LRGUK: variants seen among roughly 807,000 people sequenced by gnomAD.
LRGUK encodes leucine-rich repeat and guanylate kinase domain-containing protein.
A neutral mutation model predicts 76.0 loss-of-function variants in LRGUK; 65 were observed. The observed-to-expected ratio is 0.85, with a 90% confidence interval of 0.70 to 1.05. The LOEUF is 1.05. Ranked by LOEUF, LRGUK falls within the 50% of genes least tolerant of loss-of-function variation. The probability of loss-of-function intolerance (pLI) is 0.00; values close to 1 mark genes in which losing one functional copy is unlikely to be tolerated. For synonymous variants in LRGUK, 268 were observed against 265.6 expected (o/e 1.01, Z -0.09); for missense variants, 758 against 732.8 (o/e 1.03, Z -0.40).
intron 2 of LRGUK, among the ~76,000 whole-genome samples, chr7:134,138,745 C>T (rs571299270): frequency 6.6e-6 from 1 of 152,296 alleles, no homozygotes; most frequent in East Asian, 1.9e-4. Flanking sequence ...TCCACTCAAC[C>T]AAATTCCCCT....
chr7:134,165,671 A>ATACTAAGTTTCTGACATCCAGTGTGT (rs1403408851), intron 7 of LRGUK, among the ~76,000 whole-genome samples: 2 of 152,196 alleles, frequency 1.3e-5, no homozygotes, highest in Non-Finnish European at 2.9e-5. Context: ...CTGTTGTTTC[A>ATACTAAGTTTCTGACATCCAGTGTGT]TACTAAGTTT....
At chr7:134,176,806 T>C (rs1178282833) in intron 8 of LRGUK, among the ~76,000 whole-genome samples, 171 bp from the exon 9 acceptor site, 1 of 152,152 alleles carries the variant, frequency 6.6e-6, no homozygotes, top group African/African-American at 2.4e-5. Flanking sequence ...ACAGTCTGCA[T>C]TGAGTTAATG....
intron 5 of LRGUK, among the ~76,000 whole-genome samples, chr7:134,154,401 A>G (rs541997264): frequency 3.0e-4 from 46 of 152,328 alleles, no homozygotes; most frequent in African/African-American, 1.1e-3. Flanking sequence ...AGATAAAGAT[A>G]TTGAAGACCA....
At chr7:134,156,925 T>C (rs1178745821) in intron 5 of LRGUK, among the ~76,000 whole-genome samples, 1 of 152,112 alleles carries the variant, frequency 6.6e-6, no homozygotes, top group Non-Finnish European at 1.5e-5. Context: ...CCTCACAGAT[T>C]ATGAGTGGCT....
chr7:134,210,277 A>G (rs1013177609), downstream of LRGUK: 22 of 398,744 alleles, frequency 5.5e-5, no homozygotes, highest in Middle Eastern at 6.2e-4. Context: ...TGTAACTGTT[A>G]CAAATTAGGC....
intron 11 of LRGUK, among the ~76,000 whole-genome samples, chr7:134,184,669 C>A (rs1176512881): frequency 2.0e-5 from 3 of 152,148 alleles, no homozygotes; most frequent in Non-Finnish European, 4.4e-5. Context: ...AGCAAGCAAA[C>A]CAGCATGGCT....
At chr7:134,187,052 G>C (rs1172863713) in intron 11 of LRGUK, among the ~76,000 whole-genome samples, 1 of 152,040 alleles carries the variant, frequency 6.6e-6, no homozygotes, top group Non-Finnish European at 1.5e-5. Flanking sequence ...ATTATTCTAA[G>C]AATTTCATCA....
intron 18 of LRGUK, among the ~76,000 whole-genome samples, chr7:134,252,191 A>T (rs1043111596): frequency 6.6e-6 from 1 of 151,254 alleles, no homozygotes; most frequent in African/African-American, 2.4e-5. Flanking sequence ...AAAAAAAAGT[A>T]GCTGGGAATG....
At chr7:134,210,482 A>G (rs1042386311), downstream of LRGUK, among the ~76,000 whole-genome samples, 1 of 152,168 alleles carries the variant, frequency 6.6e-6, no homozygotes, top group African/African-American at 2.4e-5. Context: ...ATCTTGTAAG[A>G]GAGAGATTTT....
At chr7:134,260,668 GTC>G (rs1421843543) in intron 19 of LRGUK, among the ~76,000 whole-genome samples, 1 of 152,088 alleles carries the variant, frequency 6.6e-6, no homozygotes, top group Non-Finnish European at 1.5e-5. Context: ...TTTCCTAGGA[GTC>G]TCACCCCTGC....
chr7:134,242,136 T>G (rs1802173500), intron 16 of LRGUK, among the ~76,000 whole-genome samples: 1 of 151,898 alleles, frequency 6.6e-6, no homozygotes, highest in Non-Finnish European at 1.5e-5. Context: ...ACATCACAAT[T>G]AAAAGAACTA....
At chr7:134,182,287 T>C (rs920103402) in intron 10 of LRGUK, among the ~76,000 whole-genome samples, 3 of 152,190 alleles carry the variant, frequency 2.0e-5, no homozygotes, top group Non-Finnish European at 4.4e-5. Flanking sequence ...CAGTTTTGGG[T>C]GATTGCAAAT....
At chr7:134,151,013 A>T (rs887843003) in intron 5 of LRGUK, among the ~76,000 whole-genome samples, 6 of 152,188 alleles carry the variant, frequency 3.9e-5, no homozygotes, top group African/African-American at 1.4e-4. Flanking sequence ...TAATGAAATA[A>T]ACTTCTTAGA....
exon 16 of LRGUK, chr7:134,221,834 G>A (rs201499417): frequency 1.0e-4 from 167 of 1,601,498 alleles, no homozygotes; most frequent in Admixed American, 3.1e-4. Context: ...ATATTTCTTC[G>A]AATATGGGTG....
At chr7:134,187,822 C>T (rs981846995) in intron 11 of LRGUK, among the ~76,000 whole-genome samples, 1 of 152,062 alleles carries the variant, frequency 6.6e-6, no homozygotes, top group Non-Finnish European at 1.5e-5. Context: ...TCTGAATGGC[C>T]CTGAAAGAAA....
chr7:134,248,064 T>C (rs1251365514), intron 17 of LRGUK, among the ~76,000 whole-genome samples: 2 of 152,262 alleles, frequency 1.3e-5, no homozygotes, highest in Admixed American at 1.3e-4. Flanking sequence ...TTTGCTGCCA[T>C]GTCAAAACAG....
At chr7:134,276,626 A>G in the LRGUK span, among the ~76,000 whole-genome samples, 21,931 of 152,056 alleles carry the variant, frequency 0.14, 4,065 homozygotes, top group African/African-American at 0.43. Flanking sequence ...AGAAAGGAAA[A>G]AAAAAGAATT....
At chr7:134,142,603 C>A (rs564263802) in intron 3 of LRGUK, among the ~76,000 whole-genome samples, 1 of 152,164 alleles carries the variant, frequency 6.6e-6, no homozygotes, top group East Asian at 1.9e-4. Context: ...TAATTTACAA[C>A]AAAGAGAGTT....
At chr7:134,181,917 A>G (rs1799768797) in intron 10 of LRGUK, among the ~76,000 whole-genome samples, 1 of 152,094 alleles carries the variant, frequency 6.6e-6, no homozygotes, top group Non-Finnish European at 1.5e-5. Flanking sequence ...ATGTAGATTC[A>G]TCTTAGCACC....
Sources: allele counts gnomAD v4.1 joint callset (sites outside exome capture counted in the v4.1 genomes callset), GRCh38; gene constraint gnomAD v4.1.1; transcripts MANE v1.5; gene names NCBI Gene and HGNC (gene_info 2026-07-23, HGNC 2026-07-21).